COL21A1: variants seen among roughly 807,000 people sequenced by gnomAD.
The protein encoded by COL21A1 is collagen alpha-1(XXI) chain.
A neutral mutation model predicts 137.9 loss-of-function variants in COL21A1; 149 were observed. The observed-to-expected ratio is 1.08, with a 90% CI of 0.95 to 1.24. The LOEUF is 1.24. COL21A1 is among the 50% of genes most tolerant of loss of function. COL21A1 has a pLI of 0.00. For synonymous variants in COL21A1, 456 were observed against 391.5 expected (o/e 1.16, Z -1.95); for missense variants, 1,167 against 1,158.4 (o/e 1.01, Z -0.11).
At chr6:56,167,029 T>C (rs766928366) in intron 6 of COL21A1, 46 bp from the exon 7 acceptor site, 1 of 1,432,768 alleles carries the variant, frequency 7.0e-7, no homozygotes, top group South Asian at 1.2e-5. Flanking sequence ...CACAAGCTAA[T>C]TGTTTTATAA....
intron 1 of COL21A1, among the ~76,000 whole-genome samples, chr6:56,199,483 C>T (rs1163574104): frequency 6.6e-6 from 1 of 151,908 alleles, no homozygotes; most frequent in Non-Finnish European, 1.5e-5. Flanking sequence ...CTAACTATAA[C>T]TTAAAGAACA....
At chr6:56,239,769 T>TG (rs1782154133) in intron 1 of COL21A1, among the ~76,000 whole-genome samples, 1 of 152,130 alleles carries the variant, frequency 6.6e-6, no homozygotes, top group Admixed American at 6.5e-5. Flanking sequence ...ATGTGTCCCC[T>TG]CCAAAATTTA....
intron 1 of COL21A1, among the ~76,000 whole-genome samples, chr6:56,260,873 T>TGTGTGTGTGTGC (rs1763254908): frequency 7.1e-6 from 1 of 141,352 alleles, no homozygotes; most frequent in African/African-American, 2.5e-5. Flanking sequence ...TGTGTGTGTG[T>TGTGTGTGTGTGC]GTGTATGTGT....
At chr6:56,139,998 A>G (rs1774297515) in intron 12 of COL21A1, among the ~76,000 whole-genome samples, 1 of 152,156 alleles carries the variant, frequency 6.6e-6, no homozygotes, top group Non-Finnish European at 1.5e-5. Context: ...CAGAGTCTGG[A>G]TAGGTTAAAA....
chr6:56,345,618 C>G (rs1366242278), intron 1 of COL21A1, among the ~76,000 whole-genome samples: 1 of 152,188 alleles, frequency 6.6e-6, no homozygotes, highest in Non-Finnish European at 1.5e-5. Context: ...CACGCCTGAT[C>G]GCTACATCTT....
rs1344513712 is a variant in COL21A1 at position 56,179,909 on chromosome 6, TG to T, written c.308del (p.Ala103GlufsTer8). 4.3e-6 allele frequency: 7 copies of T among 1,613,822 alleles called. No homozygotes were observed. Among genetic ancestry groups the T allele is most frequent in the African/African-American group, 1.3e-5 (1 of 74,906 alleles). The part of the protein sequence containing the change: ...SYDSGEHLTA[A>X]VESILYLGGN... ...CTCCTAAGTAGAGTATGGATTCCACTGCTGCCGTCAAATGTTCTCCTGAATC... is the reference window on the plus strand; with the variant it reads ...CTCCTAAGTAGAGTATGGATTCCACTCTGCCGTCAAATGTTCTCCTGAATC... On this transcript the variant is annotated frameshift_variant, in exon 3 of 30. Transcript: ENST00000244728. LOFTEE classifies it high-confidence loss of function.
intron 12 of COL21A1, chr6:56,126,641 T>C (rs1275295991): frequency 6.6e-6 from 1 of 152,316 alleles, no homozygotes. Flanking sequence ...TCTATGAACA[T>C]GAAGGCCATA....
chr6:56,175,796 A>C (rs1777423302), intron 3 of COL21A1, among the ~76,000 whole-genome samples: 1 of 152,144 alleles, frequency 6.6e-6, no homozygotes, highest in Admixed American at 6.5e-5. Flanking sequence ...AATTTATATG[A>C]AACCTCAAAA....
intron 1 of COL21A1, among the ~76,000 whole-genome samples, chr6:56,221,704 A>G (rs1780838256): frequency 6.6e-6 from 1 of 152,114 alleles, no homozygotes. Context: ...GTGACAGAAC[A>G]AGACTCTCTT....
At chr6:56,381,946 A>G (rs1458038203) in intron 1 of COL21A1, among the ~76,000 whole-genome samples, 2 of 152,096 alleles carry the variant, frequency 1.3e-5, no homozygotes, top group African/African-American at 4.8e-5. Flanking sequence ...CTTACCCACA[A>G]TCTTCCTCAC....
chr6:56,381,817 CT>C (rs1206333433), intron 1 of COL21A1, among the ~76,000 whole-genome samples: 3 of 152,182 alleles, frequency 2.0e-5, no homozygotes, highest in African/African-American at 7.2e-5. Context: ...AAGTGACAAA[CT>C]GACTCCAAAT....
chr6:56,115,842 A>G (rs942886575), intron 16 of COL21A1, among the ~76,000 whole-genome samples: 6 of 152,146 alleles, frequency 3.9e-5, no homozygotes, highest in African/African-American at 7.2e-5. Flanking sequence ...AATTACAAAG[A>G]AACAAAGCAG....
chr6:56,162,452 G>A (rs1776263835), intron 9 of COL21A1, among the ~76,000 whole-genome samples: 1 of 152,172 alleles, frequency 6.6e-6, no homozygotes, highest in Admixed American at 6.5e-5. Flanking sequence ...GGCTTCATCA[G>A]ATAAGACAAT....
chr6:56,286,377 GT>G (rs1763914485), intron 1 of COL21A1, among the ~76,000 whole-genome samples: 1 of 152,068 alleles, frequency 6.6e-6, no homozygotes, highest in Non-Finnish European at 1.5e-5. Flanking sequence ...CAATACCCAT[GT>G]ATACACAAAT....
chr6:56,332,179 A>C (rs1473420202), intron 1 of COL21A1: 1 of 152,082 alleles, frequency 6.6e-6, no homozygotes, highest in East Asian at 1.9e-4. Flanking sequence ...TCTGTGAAGA[A>C]TAACTTTGGT....
At chr6:56,213,251 T>C (rs1780288771) in intron 1 of COL21A1, among the ~76,000 whole-genome samples, 1 of 152,116 alleles carries the variant, frequency 6.6e-6, no homozygotes, top group African/African-American at 2.4e-5. Flanking sequence ...AAAATACAAA[T>C]ATGTAGTATT....
At chr6:56,067,040 T>C (rs1325756653) in intron 23 of COL21A1, among the ~76,000 whole-genome samples, 1 of 150,326 alleles carries the variant, frequency 6.7e-6, no homozygotes, top group Non-Finnish European at 1.5e-5. Flanking sequence ...AAATACATAT[T>C]AGAAGTATAT....
intron 12 of COL21A1, among the ~76,000 whole-genome samples, chr6:56,132,639 G>A (rs777781420): frequency 6.6e-6 from 1 of 152,120 alleles, no homozygotes; most frequent in Non-Finnish European, 1.5e-5. Flanking sequence ...TTAGAAAAAT[G>A]ATTTCATAAA....
intron 7 of COL21A1, among the ~76,000 whole-genome samples, chr6:56,165,242 TCTC>T (rs1776484641): frequency 6.6e-6 from 1 of 152,162 alleles, no homozygotes; most frequent in South Asian, 2.1e-4. Context: ...TAGGAGAGCT[TCTC>T]CTAAAATAGT....
Sources: gnomAD v4.1 joint callset for allele counts (sites outside exome capture counted in the v4.1 genomes callset) on GRCh38, gnomAD v4.1.1 for gene constraint, MANE v1.5 for transcripts, NCBI Gene and HGNC (gene_info 2026-07-23, HGNC 2026-07-21) for gene names.